PCDH15: variants seen among roughly 807,000 people sequenced by gnomAD.
The protein encoded by PCDH15 is protocadherin related 15, also known as protocadherin-15.
In PCDH15, 129 loss-of-function variants were observed where a neutral mutation model predicts 178.5. The ratio of observed to expected loss-of-function variants is 0.72; its 90% confidence interval spans 0.63 to 0.84. The LOEUF (loss-of-function observed/expected upper bound fraction) is 0.84, where lower values mean the gene tolerates loss of function less well. PCDH15 is among the 40% of genes least tolerant of loss of function. The pLI, the probability that PCDH15 is intolerant of heterozygous loss-of-function variation, is 0.00. For missense variants in PCDH15, 2,230 were observed against 2,099.9 expected, an observed-to-expected ratio of 1.06 and a Z score of -1.21; for synonymous variants, 800 against 732.0, an observed-to-expected ratio of 1.09 and a Z score of -1.50.
intron 3 of PCDH15, among the ~76,000 whole-genome samples, chr10:54,401,058 A>T (rs966266538): frequency 1.3e-5 from 2 of 151,986 alleles, no homozygotes; most frequent in African/African-American, 4.8e-5. Flanking sequence ...TAATTAAGAA[A>T]TTAAAAAGAT....
intron 32 of PCDH15, among the ~76,000 whole-genome samples, chr10:53,825,976 TATTAATTTAAAATGAATACATAATTC>T (rs2076652608): frequency 6.6e-6 from 1 of 151,638 alleles, no homozygotes; most frequent in African/African-American, 2.4e-5. Flanking sequence ...TACCTGTTCT[TATTAATTTAAAATGAATACATAATTC>T]ATTAATTTCA....
In PCDH15 at chr10:54,999,220, C is replaced by T. The variant is rs181428033; in HGVS notation, c.-79-101720G>A. On this transcript the variant is annotated intron_variant, in intron 2 of 5. Transcript: ENST00000458638. ...TCCCAAAATTGATAGGACAACCTAG[C>T]CATTTAAAATTCAATATGTTTTTCT... is the stretch of plus-strand genomic sequence containing the variant. 1.6e-3 allele frequency among the ~76,000 whole-genome samples: 246 copies of T among 152,112 alleles called. 1 individual carries two copies. The highest frequency in any genetic ancestry group is 6.8e-3 in the Middle Eastern group (2 of 292).
intron 2 of PCDH15, among the ~76,000 whole-genome samples, chr10:55,366,526 G>A (rs1026937843): frequency 2.2e-4 from 34 of 152,060 alleles, no homozygotes; most frequent in African/African-American, 8.0e-4. Context: ...TCAGATATCT[G>A]ATAGGTACCT....
At chr10:54,173,698 G>A (rs1207643116) in intron 13 of PCDH15, among the ~76,000 whole-genome samples, 3 of 151,964 alleles carry the variant, frequency 2.0e-5, no homozygotes, top group African/African-American at 4.8e-5. Context: ...TAAGGTGTTA[G>A]GCATACAGTA....
At chr10:53,810,880 A>G (rs1395158998) in intron 36 of PCDH15, among the ~76,000 whole-genome samples, 1 of 152,176 alleles carries the variant, frequency 6.6e-6, no homozygotes, top group East Asian at 1.9e-4. Context: ...TGGAATAACA[A>G]TAAAGAGAGT....
At chr10:54,906,252 G>T (rs1211300395) in intron 2 of PCDH15, among the ~76,000 whole-genome samples, 3 of 152,088 alleles carry the variant, frequency 2.0e-5, no homozygotes, top group African/African-American at 7.2e-5. Context: ...CATTAGCAGT[G>T]GAGGACCCAG....
At chr10:55,267,514 T>G (rs1048104082) in intron 1 of PCDH15, among the ~76,000 whole-genome samples, 3 of 152,204 alleles carry the variant, frequency 2.0e-5, no homozygotes, top group Admixed American at 2.0e-4. Flanking sequence ...CAACTTTTTA[T>G]TTCACATTAC....
At chr10:54,279,483 C>T (rs1027256821) in intron 8 of PCDH15, among the ~76,000 whole-genome samples, 2 of 151,620 alleles carry the variant, frequency 1.3e-5, no homozygotes, top group Admixed American at 6.6e-5. Context: ...GGAAAGTTTC[C>T]GCAGTAGAGA....
chr10:55,055,967 C>A (rs548775403), intron 2 of PCDH15, among the ~76,000 whole-genome samples: 1 of 152,142 alleles, frequency 6.6e-6, no homozygotes, highest in African/African-American at 2.4e-5. Context: ...TGAAGATGTA[C>A]CTTTCATTCA....
chr10:54,402,717 C>T (rs1952087407), intron 3 of PCDH15, among the ~76,000 whole-genome samples: 2 of 151,840 alleles, frequency 1.3e-5, no homozygotes, highest in South Asian at 4.2e-4. Context: ...TTTTGGGATG[C>T]CGCAAACCAT....
At chr10:55,304,694 C>A (rs1843373551) in intron 1 of PCDH15, among the ~76,000 whole-genome samples, 1 of 152,110 alleles carries the variant, frequency 6.6e-6, no homozygotes, top group African/African-American at 2.4e-5. Context: ...TTCTTATCTG[C>A]ACTGAGCTAC....
chr10:53,814,533 G>A (rs1237431235), intron 35 of PCDH15, among the ~76,000 whole-genome samples: 1 of 152,112 alleles, frequency 6.6e-6, no homozygotes, highest in Non-Finnish European at 1.5e-5. Flanking sequence ...GATAGCCCTT[G>A]ATTCAATCAG....
chr10:54,137,863 T>C (rs1300508037), intron 14 of PCDH15, among the ~76,000 whole-genome samples: 1 of 152,184 alleles, frequency 6.6e-6, no homozygotes, highest in Non-Finnish European at 1.5e-5. Flanking sequence ...TTTCGTTACC[T>C]GACCAAGAAC....
chr10:54,259,837 C>CTAG (rs2057183088), intron 8 of PCDH15, among the ~76,000 whole-genome samples: 1 of 151,936 alleles, frequency 6.6e-6, no homozygotes, highest in Non-Finnish European at 1.5e-5. Context: ...TATGAATATA[C>CTAG]TAAGACTTAG....
intron 14 of PCDH15, among the ~76,000 whole-genome samples, chr10:54,150,293 A>G (rs1318260172): frequency 6.6e-6 from 1 of 152,126 alleles, no homozygotes; most frequent in Non-Finnish European, 1.5e-5. Context: ...ATGAGAATCT[A>G]ATACTCCACC....
upstream of PCDH15, among the ~76,000 whole-genome samples, chr10:54,802,827 A>G (rs1952707842): frequency 6.6e-6 from 1 of 152,200 alleles, no homozygotes. Context: ...GTAATGTTCA[A>G]TGATAACTCT....
chr10:54,728,476 A>G (rs1942886756), intron 1 of PCDH15, among the ~76,000 whole-genome samples: 1 of 151,486 alleles, frequency 6.6e-6, no homozygotes, highest in Admixed American at 6.6e-5. Flanking sequence ...ACCCACAGAG[A>G]ACATCATACT....
At chr10:54,434,602 T>A (rs188637615) in intron 3 of PCDH15, among the ~76,000 whole-genome samples, 1 of 152,294 alleles carries the variant, frequency 6.6e-6, no homozygotes, top group African/African-American at 2.4e-5. Context: ...ACATCTAGGT[T>A]TGTGTAAGTA....
At chr10:53,955,108 T>C (rs2087481378) in intron 23 of PCDH15, among the ~76,000 whole-genome samples, 1 of 152,218 alleles carries the variant, frequency 6.6e-6, no homozygotes, top group African/African-American at 2.4e-5. Context: ...GACCCGTACC[T>C]GGATTCTCAC....
Sources: allele counts gnomAD v4.1 joint callset (sites outside exome capture counted in the v4.1 genomes callset), GRCh38; gene constraint gnomAD v4.1.1; transcripts MANE v1.5; gene names NCBI Gene and HGNC (gene_info 2026-07-23, HGNC 2026-07-21).